CNTNAP2: variants seen among roughly 807,000 people sequenced by gnomAD.
CNTNAP2 encodes the protein contactin associated protein 2, also known as contactin-associated protein-like 2.
CNTNAP2 carries 98 observed loss-of-function variants against 155.2 expected under a neutral mutation model. That is an observed-to-expected ratio of 0.63 (90% CI 0.54 to 0.75). CNTNAP2 has a LOEUF of 0.75. Ranked by LOEUF, CNTNAP2 falls within the 30% of genes least tolerant of loss-of-function variation. The probability of loss-of-function intolerance (pLI) is 0.00; values close to 1 mark genes in which losing one functional copy is unlikely to be tolerated. For synonymous variants in CNTNAP2, 651 were observed against 631.2 expected, an observed-to-expected ratio of 1.03 and a Z score of -0.47; for missense variants, 1,727 against 1,688.1, an observed-to-expected ratio of 1.02 and a Z score of -0.40.
intron 12 of CNTNAP2, among the ~76,000 whole-genome samples, chr7:147,599,925 C>A (rs997170884): frequency 6.6e-6 from 1 of 152,172 alleles, no homozygotes; most frequent in African/African-American, 2.4e-5. Flanking sequence ...TGAGGGTTCA[C>A]TTGTATTCAG....
intron 14 of CNTNAP2, among the ~76,000 whole-genome samples, chr7:147,956,607 C>A (rs373386525): frequency 8.5e-5 from 13 of 152,264 alleles, no homozygotes; most frequent in East Asian, 1.9e-4. Context: ...CATACCTAGA[C>A]CCTGAAATGA....
chr7:146,654,360 A>G (rs1343255365), intron 1 of CNTNAP2, among the ~76,000 whole-genome samples: 4 of 152,002 alleles, frequency 2.6e-5, no homozygotes, highest in African/African-American at 9.7e-5. Context: ...TGGTTTCCCT[A>G]GTCTGCATCA....
At chr7:146,467,891 A>G (rs1563095421) in intron 1 of CNTNAP2, among the ~76,000 whole-genome samples, 1 of 152,178 alleles carries the variant, frequency 6.6e-6, no homozygotes. Context: ...ATATTGTTCA[A>G]TGTAATAGTA....
At chr7:148,121,578 C>T (rs1804595849) in intron 16 of CNTNAP2, among the ~76,000 whole-genome samples, 1 of 152,160 alleles carries the variant, frequency 6.6e-6, no homozygotes, top group African/African-American at 2.4e-5. Context: ...GATAGGAATT[C>T]ACATTTTTTT....
chr7:146,493,740 C>G (rs1457891379), intron 1 of CNTNAP2, among the ~76,000 whole-genome samples: 2 of 151,408 alleles, frequency 1.3e-5, no homozygotes, highest in Admixed American at 6.6e-5. Context: ...AAGTTTATTA[C>G]TAAGAAAAAG....
intron 21 of CNTNAP2, among the ~76,000 whole-genome samples, chr7:148,354,634 G>C (rs989909580): frequency 6.6e-6 from 1 of 151,502 alleles, no homozygotes; most frequent in East Asian, 1.9e-4. Context: ...CTTCCTCTCT[G>C]TTTCTTAAGA....
intron 13 of CNTNAP2, among the ~76,000 whole-genome samples, chr7:147,646,609 G>A (rs893886923): frequency 1.3e-5 from 2 of 151,686 alleles, no homozygotes; most frequent in African/African-American, 2.4e-5. Context: ...CTCATGCAAA[G>A]CCTCCTGTAT....
intron 1 of CNTNAP2, among the ~76,000 whole-genome samples, chr7:146,489,565 A>C (rs927995301): frequency 3.9e-5 from 6 of 151,940 alleles, no homozygotes; most frequent in East Asian, 3.9e-4. Context: ...TGACACACAC[A>C]CCCCCACCTG....
rs1796630987 is a variant in CNTNAP2 at position 146,461,209 on chromosome 7, C to G, written c.98-313062C>G. Among the ~76,000 whole-genome samples the G allele has an allele frequency of 2.0e-5, 3 of 151,780 alleles. No individual in the cohort carries two copies. The South Asian group carries it at 6.2e-4, about 32-fold the overall frequency. ...ATGAGGTCAGGAGATGGAAACCATC[C>G]TGGTAACACGGTGAAACCCCGTCTC... On this transcript the variant is annotated intron_variant, in intron 1 of 23. Coordinates refer to ENST00000361727, the MANE Select transcript of CNTNAP2 (RefSeq NM_014141.6).
chr7:147,678,465 A>G (rs140303099), intron 13 of CNTNAP2, among the ~76,000 whole-genome samples: 2,487 of 151,942 alleles, frequency 0.016, 222 homozygotes, highest in Admixed American at 0.15. Context: ...TGCTATATTA[A>G]TCATATGTCT....
At chr7:146,792,121 T>C (rs1254765025) in intron 2 of CNTNAP2, among the ~76,000 whole-genome samples, 1 of 152,164 alleles carries the variant, frequency 6.6e-6, no homozygotes, top group Non-Finnish European at 1.5e-5. Flanking sequence ...GGTACAGTGA[T>C]TCATATTTCA....
At chr7:147,708,174 A>G (rs1006649539) in intron 13 of CNTNAP2, among the ~76,000 whole-genome samples, 1 of 152,172 alleles carries the variant, frequency 6.6e-6, no homozygotes, top group Non-Finnish European at 1.5e-5. Context: ...AGCTGTATAC[A>G]TGTGTTTAGG....
intron 1 of CNTNAP2, among the ~76,000 whole-genome samples, chr7:146,664,694 G>A (rs1489167755): frequency 6.6e-6 from 1 of 152,054 alleles, no homozygotes. Flanking sequence ...TTTATTGTTA[G>A]CAAGATTGTT....
At chr7:147,837,879 T>C (rs1074211) in intron 13 of CNTNAP2, among the ~76,000 whole-genome samples, 6,733 of 152,298 alleles carry the variant, frequency 0.044, 267 homozygotes, top group Admixed American at 0.12. Flanking sequence ...TTGCAGGCTA[T>C]AGCCTCCCTC....
At chr7:148,050,652 T>TA (rs1177616757) in intron 15 of CNTNAP2, among the ~76,000 whole-genome samples, 2 of 152,230 alleles carry the variant, frequency 1.3e-5, no homozygotes, top group Admixed American at 6.5e-5. Context: ...TAGTGTACAG[T>TA]AATGTTCTAG....
chr7:148,233,036 C>A (rs1024490316), intron 20 of CNTNAP2, among the ~76,000 whole-genome samples: 1 of 152,224 alleles, frequency 6.6e-6, no homozygotes, highest in Non-Finnish European at 1.5e-5. Context: ...CCAGTGGCAT[C>A]ATTTGTGAAA....
At chr7:146,286,860 C>A (rs1800345293) in intron 1 of CNTNAP2, among the ~76,000 whole-genome samples, 2 of 152,098 alleles carry the variant, frequency 1.3e-5, no homozygotes, top group South Asian at 4.2e-4. Flanking sequence ...AATACCAGGA[C>A]TTTGTGAGGC....
chr7:146,200,515 C>T (rs1798843399), intron 1 of CNTNAP2, among the ~76,000 whole-genome samples: 1 of 59,354 alleles, frequency 1.7e-5, no homozygotes, highest in African/African-American at 4.8e-5. Flanking sequence ...TATATACACA[C>T]ACACAGACAC....
chr7:146,619,944 T>TA (rs1799290094), intron 1 of CNTNAP2, among the ~76,000 whole-genome samples: 2 of 152,220 alleles, frequency 1.3e-5, no homozygotes, highest in African/African-American at 2.4e-5. Context: ...TAAAGATGTA[T>TA]AAAAATAAAA....
Sources: allele counts gnomAD v4.1 joint callset (sites outside exome capture counted in the v4.1 genomes callset), GRCh38; gene constraint gnomAD v4.1.1; transcripts MANE v1.5; gene names NCBI Gene and HGNC (gene_info 2026-07-23, HGNC 2026-07-21).